PAX2: variants seen among roughly 807,000 people sequenced by gnomAD.
PAX2 encodes the protein paired box 2.
Under a neutral mutation model 41.7 loss-of-function variants are expected in PAX2, and 9 were observed. The observed-to-expected ratio is 0.22, with a 90% CI of 0.13 to 0.38. PAX2 has a LOEUF of 0.38. Ranked by LOEUF, PAX2 falls within the 10% of genes least tolerant of loss-of-function variation. The pLI, the probability that PAX2 is intolerant of heterozygous loss-of-function variation, is 1.00. For synonymous variants in PAX2, 221 were observed against 212.7 expected, an observed-to-expected ratio of 1.04 and a Z score of -0.34; for missense variants, 418 against 531.6, an observed-to-expected ratio of 0.79 and a Z score of 2.10.
intron 1 of PAX2, among the ~76,000 whole-genome samples, chr10:100,738,155 C>T (rs1164801286): frequency 6.6e-6 from 1 of 152,238 alleles, no homozygotes; most frequent in Admixed American, 6.5e-5. Context: ...GCACTGAGTT[C>T]CCAGGTTTCT....
At chr10:100,763,106 C>G (rs1052784493) in intron 3 of PAX2, among the ~76,000 whole-genome samples, 1 of 152,210 alleles carries the variant, frequency 6.6e-6, no homozygotes, top group Non-Finnish European at 1.5e-5. Flanking sequence ...CTGGTTTTGT[C>G]AAATAGCTGC....
intron 3 of PAX2, among the ~76,000 whole-genome samples, chr10:100,770,488 C>G (rs867258365): frequency 6.6e-6 from 1 of 152,220 alleles, no homozygotes; most frequent in African/African-American, 2.4e-5. Context: ...CACATTGCCC[C>G]TTAATTTTTA....
Position 100,748,759 on chromosome 10 carries a change from C to A in PAX2, c.44-987C>A. The stretch of plus-strand genomic sequence containing the variant: ...CGTGCCCTTCTCTTGGCCGAAAGAG[C>A]AAAAGCCCGAGCCGCTCGGTTTCCT... On this transcript the variant is annotated intron_variant, in intron 1 of 9. Coordinates refer to ENST00000355243, the MANE Select transcript of PAX2 (RefSeq NM_000278.5). The surrounding 1 kb of genome is among the most constrained non-coding windows in gnomAD (Gnocchi z 5.0). 1.0e-6 allele frequency: 1 copy of A among 985,444 alleles called. No homozygotes were observed. Among genetic ancestry groups the A allele is most frequent in the Non-Finnish European group, 1.2e-6 (1 of 829,944 alleles). The allele number at this position is 985,444 out of a possible 1,614,324, so 61.0% of individuals were successfully genotyped here. A position where few individuals can be genotyped will look rare whatever the true frequency, so the allele number is the denominator to read the frequency against.
intron 5 of PAX2, among the ~76,000 whole-genome samples, chr10:100,805,069 C>T (rs1057196482): frequency 2.1e-4 from 28 of 135,578 alleles, no homozygotes; most frequent in Non-Finnish European, 4.2e-4. Flanking sequence ...CACACACACA[C>T]ACACACTTTC....
At chr10:100,800,997 C>T (rs561398875) in intron 5 of PAX2, among the ~76,000 whole-genome samples, 5 of 152,352 alleles carry the variant, frequency 3.3e-5, no homozygotes, top group African/African-American at 1.2e-4. Context: ...GCCGGCAGCT[C>T]TCCTTCCAGT....
At position 100,748,460 on chromosome 10, in the gene PAX2, G is replaced by C. The variant is rs1028351050; in HGVS notation, c.44-1286G>C. ...AAGGGAGGGGAGAGAAATGAGGGGGGCACAGATGTCCCCGCTTTCTCCGAA... is the reference window on the plus strand; with the variant it reads ...AAGGGAGGGGAGAGAAATGAGGGGGCCACAGATGTCCCCGCTTTCTCCGAA... On this transcript the variant is annotated intron_variant, in intron 1 of 9. Coordinates refer to ENST00000355243, the MANE Select transcript of PAX2 (RefSeq NM_000278.5). This position sits in a 1 kb window ranked among gnomAD's most constrained non-coding sequence, Gnocchi z 5.0. 1 of 985,062 alleles carries C rather than the reference G, an allele frequency of 1.0e-6. No individual in the cohort carries two copies. Among genetic ancestry groups the C allele is most frequent in the African/African-American group, 1.7e-5 (1 of 57,180 alleles). The allele number at this position is 985,062 out of a possible 1,614,324, so 61.0% of individuals were successfully genotyped here. A position where few individuals can be genotyped will look rare whatever the true frequency, so the allele number is the denominator to read the frequency against.
At position 100,777,398 on chromosome 10, in the gene PAX2, C is replaced by CTTTTTTTTTTTTTT. The variant is rs56136871; in HGVS notation, c.411-2099_411-2086dup. Among the ~76,000 whole-genome samples the CTTTTTTTTTTTTTT allele has an allele frequency of 2.5e-3, 309 of 121,860 alleles. 12 individuals are homozygous for CTTTTTTTTTTTTTT. Among genetic ancestry groups the CTTTTTTTTTTTTTT allele is most frequent in the Middle Eastern group, 6.0e-3 (1 of 168 alleles). The allele number at this position is 121,860 out of a possible 152,430, so 79.9% of individuals were successfully genotyped here. On this transcript the variant is annotated intron_variant, in intron 3 of 9. Transcript: ENST00000355243. ...ACAGGCATGAGCCACCGCATCTGGC[C>CTTTTTTTTTTTTTT]TTTTTTTTTTTTTTGAGATGGAGTC... is the stretch of plus-strand genomic sequence containing the variant.
chr10:100,807,798 G>A (rs949681780), intron 6 of PAX2, among the ~76,000 whole-genome samples: 6 of 152,158 alleles, frequency 3.9e-5, no homozygotes, highest in Admixed American at 3.9e-4. Flanking sequence ...ATGCACACAC[G>A]CACCCACACA....
intron 3 of PAX2, among the ~76,000 whole-genome samples, chr10:100,769,658 ATAAAATAAAATAAAAAAAT>A (rs1329707524): frequency 6.7e-6 from 1 of 149,922 alleles, no homozygotes; most frequent in Non-Finnish European, 1.5e-5. Flanking sequence ...ATAAAATAAA[ATAAAATAAAATAAAAAAAT>A]AAAAAACAAA....
At chr10:100,817,532 C>T (rs545044653) in intron 7 of PAX2, among the ~76,000 whole-genome samples, 6 of 152,200 alleles carry the variant, frequency 3.9e-5, no homozygotes, top group African/African-American at 7.2e-5. Flanking sequence ...TGTGTCCGGC[C>T]GGTTGGCTGT....
At chr10:100,815,045 G>A (rs1307952585) in intron 7 of PAX2, among the ~76,000 whole-genome samples, 2 of 152,238 alleles carry the variant, frequency 1.3e-5, no homozygotes, top group Non-Finnish European at 2.9e-5. Context: ...CCACATCTGA[G>A]ATGGTCAGCA....
intron 1 of PAX2, among the ~76,000 whole-genome samples, chr10:100,738,478 CT>C (rs945714917): frequency 3.3e-5 from 5 of 152,186 alleles, no homozygotes; most frequent in African/African-American, 1.2e-4. Flanking sequence ...TCGCCACCCC[CT>C]GGCACTTTTT....
intron 7 of PAX2, among the ~76,000 whole-genome samples, chr10:100,811,867 G>A (rs1848001317): frequency 6.6e-6 from 1 of 152,178 alleles, no homozygotes; most frequent in Admixed American, 6.5e-5. Context: ...TCTTCCCCAG[G>A]ACTGACAGCT....
chr10:100,757,902 G>A (rs925867605), intron 3 of PAX2, among the ~76,000 whole-genome samples: 1 of 152,206 alleles, frequency 6.6e-6, no homozygotes, highest in African/African-American at 2.4e-5. Context: ...AGGAGAGGGA[G>A]CAGCCTCTTG....
At chr10:100,743,732 G>T (rs954345086), upstream of PAX2, among the ~76,000 whole-genome samples, 6 of 152,176 alleles carry the variant, frequency 3.9e-5, no homozygotes, top group African/African-American at 1.2e-4. Context: ...GTGCGTGTTC[G>T]TGGGGTTGTG....
intron 5 of PAX2, among the ~76,000 whole-genome samples, chr10:100,802,387 AAC>A (rs1847594805): frequency 6.6e-6 from 1 of 152,190 alleles, no homozygotes; most frequent in African/African-American, 2.4e-5. Context: ...GCTCACCAGG[AAC>A]ACAGTGTTCT....
At position 100,816,059 on chromosome 10, in the gene PAX2, C is replaced by T. The variant is rs548523239; in HGVS notation, c.919+6823C>T. Among the ~76,000 whole-genome samples, 28 of 152,348 alleles carry T rather than the reference C, an allele frequency of 1.8e-4. No individual in the cohort carries two copies. The East Asian group carries it at 2.9e-3, about 16-fold the overall frequency. On this transcript the variant is annotated intron_variant, in intron 7 of 9. Coordinates refer to ENST00000355243, the MANE Select transcript of PAX2 (RefSeq NM_000278.5). ...CTTACCTCCTCCCTTCATCTCTTCC[C>T]TCTGTCCGTGAGGCCCAAAAACCTG...
intron 1 of PAX2, chr10:100,747,735 G>A: frequency 1.0e-6 from 1 of 985,024 alleles, no homozygotes. Context: ...GCGCAGGAAA[G>A]CCGCGCCGAG....
chr10:100,806,554 T>C lies in PAX2; in HGVS notation c.741T>C (p.Arg247=), dbSNP rs771890176. 1.9e-6 allele frequency: 3 copies of C among 1,614,196 alleles called. No individual in the cohort carries two copies. In the South Asian group the frequency reaches 3.3e-5, roughly 18 times the overall value. Residue 247 remains arginine, a synonymous_variant, in exon 6 of 10, where the codon CGT becomes CGC. Coordinates refer to ENST00000355243, the MANE Select transcript of PAX2 (RefSeq NM_000278.5). Reference sequence around the variant, plus strand: ...AAGCTTTGGATCGGGTCTTTGAGCGTCCTTCCTACCCTGACGTCTTCCAGG... The same window carrying C: ...AAGCTTTGGATCGGGTCTTTGAGCGCCCTTCCTACCCTGACGTCTTCCAGG... ...QLEALDRVFE[R]PSYPDVFQAS...
Sources: allele counts gnomAD v4.1 joint callset (sites outside exome capture counted in the v4.1 genomes callset), GRCh38; gene constraint gnomAD v4.1.1; non-coding constraint Gnocchi (gnomAD v3.1); transcripts MANE v1.5; gene names NCBI Gene and HGNC (gene_info 2026-07-23, HGNC 2026-07-21).